CILK1: variants seen among roughly 807,000 people sequenced by gnomAD.
CILK1 encodes ciliogenesis associated kinase 1.
In CILK1, 47 loss-of-function variants were observed where a neutral mutation model predicts 79.2. That is an observed-to-expected ratio of 0.59 (90% CI 0.47 to 0.76). CILK1 has a LOEUF of 0.76. CILK1 is among the 30% of genes least tolerant of loss of function. CILK1 has a pLI of 0.00. For synonymous variants in CILK1, 266 were observed against 275.9 expected, an observed-to-expected ratio of 0.96 and a Z score of 0.36; for missense variants, 660 against 769.5, an observed-to-expected ratio of 0.86 and a Z score of 1.68.
intron 3 of CILK1, 118 bp downstream of exon 3, chr6:53,037,821 T>A: frequency 1.5e-6 from 1 of 669,580 alleles, no homozygotes; most frequent in Non-Finnish European, 2.7e-6. Context: ...ATCATTTGCC[T>A]CCCTTTCCAG....
At chr6:53,060,377 T>C (rs1581791548) in intron 1 of CILK1, among the ~76,000 whole-genome samples, 1 of 152,272 alleles carries the variant, frequency 6.6e-6, no homozygotes, top group East Asian at 1.9e-4. Flanking sequence ...GAACCTAGAT[T>C]GGTTTCATTA....
intron 5 of CILK1, among the ~76,000 whole-genome samples, chr6:53,022,078 T>C (rs555433971): frequency 1.3e-5 from 2 of 152,246 alleles, no homozygotes; most frequent in African/African-American, 4.8e-5. Flanking sequence ...AATAGGGATA[T>C]AAAGAAAATA....
At chr6:53,033,507 C>A (rs919875006) in intron 3 of CILK1, among the ~76,000 whole-genome samples, 1 of 149,948 alleles carries the variant, frequency 6.7e-6, no homozygotes, top group Non-Finnish European at 1.5e-5. Context: ...TCTTGTACAG[C>A]AGACATACCT....
chr6:53,009,416 A>C (rs1372809051), intron 12 of CILK1, 23 bp downstream of exon 12: 7 of 1,613,256 alleles, frequency 4.3e-6, no homozygotes, highest in African/African-American at 1.3e-5. Context: ...TTTGCCATTT[A>C]GGGGTTAATG....
intron 1 of CILK1, among the ~76,000 whole-genome samples, chr6:53,056,052 A>G (rs1441569857): frequency 2.0e-5 from 3 of 152,196 alleles, no homozygotes; most frequent in African/African-American, 7.2e-5. Flanking sequence ...GACTAAGAGC[A>G]TATCACAAGT....
At chr6:53,008,310 G>T (rs996896534) in intron 12 of CILK1, among the ~76,000 whole-genome samples, 2 of 151,888 alleles carry the variant, frequency 1.3e-5, no homozygotes, top group African/African-American at 2.4e-5. Flanking sequence ...ACCACACTAT[G>T]AAGTTTATAC....
At chr6:53,050,478 T>C (rs1312315765) in intron 1 of CILK1, among the ~76,000 whole-genome samples, 1 of 151,082 alleles carries the variant, frequency 6.6e-6, no homozygotes, top group Middle Eastern at 3.2e-3. Flanking sequence ...TATTCATATA[T>C]TATAAATACA....
chr6:53,032,745 G>T (rs1225099278), intron 3 of CILK1, 91 bp from the exon 4 acceptor site: 2 of 1,049,692 alleles, frequency 1.9e-6, no homozygotes, highest in Non-Finnish European at 2.8e-6. Flanking sequence ...TACTTGGAAA[G>T]AAACAACTAA....
At chr6:53,044,988 T>A (rs1766965153) in intron 1 of CILK1, among the ~76,000 whole-genome samples, 1 of 152,238 alleles carries the variant, frequency 6.6e-6, no homozygotes. Context: ...AGATAGGATC[T>A]ATGGGTATTC....
intron 1 of CILK1, among the ~76,000 whole-genome samples, chr6:53,059,126 TTAAG>T (rs1768195189): frequency 6.6e-6 from 1 of 152,186 alleles, no homozygotes; most frequent in Non-Finnish European, 1.5e-5. Flanking sequence ...TTGGACTCTG[TTAAG>T]TTACTGTCAA....
chr6:53,061,725 CAGGGACG>C lies in CILK1; in HGVS notation c.-309_-303del, dbSNP rs1313709141. On this transcript the variant is annotated 5_prime_UTR_variant, in exon 1 of 14. The change abolishes the stop of an existing upstream ORF in the 5' untranslated region. Transcript: ENST00000676107. ...GCTAGGACCGGCCGAGGGCTCCGTA[CAGGGACG>C]CCCGCGAGGTCCGGCGAGTCGCACG... The C allele has an allele frequency of 6.6e-6, 1 of 152,266 alleles. No individual in the cohort carries two copies. The highest frequency in any genetic ancestry group is 2.4e-5 in the African/African-American group (1 of 41,462). 9.4% of individuals were successfully genotyped at this position (152,266 alleles called of 1,614,324 possible). A position where few individuals can be genotyped will look rare whatever the true frequency, so the allele number is the denominator to read the frequency against.
chr6:53,057,539 T>A (rs576991074), intron 1 of CILK1, among the ~76,000 whole-genome samples: 2 of 152,250 alleles, frequency 1.3e-5, no homozygotes, highest in African/African-American at 4.8e-5. Flanking sequence ...ATCACACTTA[T>A]AATACTTTAT....
At chr6:53,012,338 T>C (rs756281386) in intron 9 of CILK1, 111 bp from the exon 10 acceptor site, 71 of 918,756 alleles carry the variant, frequency 7.7e-5, no homozygotes, top group Non-Finnish European at 1.1e-4. Flanking sequence ...TCCTGGGGCA[T>C]AACATTGCTT....
At position 53,013,676 on chromosome 6, in the gene CILK1, T is replaced by G; in HGVS notation, c.1138A>C (p.Lys380Gln). The stretch of plus-strand genomic sequence containing the variant: ...GGGCTGCTCACCGACTGTGGATGCT[T>G]GTTGTGGAGGGATGGGAAAAGCAAC... The part of the protein sequence containing the change: ...SPLLFPSLHN[K>Q]HPQSKITAGL... Residue 380 changes from lysine (K) to glutamine (Q), a missense_variant, in exon 9 of 14, where the codon AAG becomes CAG. Coordinates refer to ENST00000676107, the MANE Select transcript of CILK1 (RefSeq NM_014920.5). 6.2e-7 allele frequency: 1 copy of G among 1,614,020 alleles called. No homozygotes were observed. The highest frequency in any genetic ancestry group is 1.1e-5 in the South Asian group (1 of 91,072).
intron 1 of CILK1, among the ~76,000 whole-genome samples, chr6:53,059,932 C>G (rs1207389636): frequency 6.6e-6 from 1 of 152,096 alleles, no homozygotes; most frequent in East Asian, 1.9e-4. Flanking sequence ...GAGGCTGTTG[C>G]AGTACTGCAG....
intron 1 of CILK1, among the ~76,000 whole-genome samples, chr6:53,056,006 G>A (rs911537244): frequency 3.3e-5 from 5 of 152,150 alleles, no homozygotes; most frequent in African/African-American, 7.2e-5. Flanking sequence ...GTGTTTCAGG[G>A]GTGGGCAAGA....
chr6:53,030,222 C>T lies in CILK1; in HGVS notation c.358+843G>A, dbSNP rs147293813. ...CTGTAGAACAACTCAGACTGGCCCC[C>T]GTAGAAATGTTTTCTCTGATTAGGT... On this transcript the variant is annotated intron_variant, in intron 5 of 13. Transcript: ENST00000676107. Among the ~76,000 whole-genome samples, 6 of 152,252 alleles carry T rather than the reference C, an allele frequency of 3.9e-5. No individual in the cohort carries two copies. The East Asian group carries it at 5.8e-4, about 15-fold the overall frequency.
At chr6:53,050,867 T>C (rs1199539584) in intron 1 of CILK1, among the ~76,000 whole-genome samples, 3 of 152,146 alleles carry the variant, frequency 2.0e-5, no homozygotes, top group Admixed American at 6.5e-5. Flanking sequence ...CATATAAATA[T>C]GCATTTTTGA....
chr6:53,056,386 G>T (rs955890044), intron 1 of CILK1, among the ~76,000 whole-genome samples: 1 of 152,136 alleles, frequency 6.6e-6, no homozygotes, highest in Admixed American at 6.5e-5. Context: ...CTCCATCTCC[G>T]TCACAACTCC....
Sources: gnomAD v4.1 joint callset for allele counts (sites outside exome capture counted in the v4.1 genomes callset) on GRCh38, gnomAD v4.1.1 for gene constraint, MANE v1.5 for transcripts, NCBI Gene and HGNC (gene_info 2026-07-23, HGNC 2026-07-21) for gene names.